CSRNP3: variants seen among roughly 807,000 people sequenced by gnomAD.
CSRNP3 encodes cysteine and serine rich nuclear protein 3, also known as cysteine/serine-rich nuclear protein 3.
A neutral mutation model predicts 48.0 loss-of-function variants in CSRNP3; 12 were observed. The observed-to-expected ratio is 0.25, with a 90% CI of 0.16 to 0.41. The LOEUF (loss-of-function observed/expected upper bound fraction) is 0.41. Ranked by LOEUF, CSRNP3 falls within the 10% of genes least tolerant of loss-of-function variation. The pLI is 1.00. For missense variants in CSRNP3, 580 were observed against 724.4 expected, an observed-to-expected ratio of 0.80 and a Z score of 2.29; for synonymous variants, 263 against 269.7, an observed-to-expected ratio of 0.98 and a Z score of 0.24.
chr2:165,500,618 C>G (rs886785070), intron 2 of CSRNP3, among the ~76,000 whole-genome samples: 1 of 151,716 alleles, frequency 6.6e-6, no homozygotes, highest in Non-Finnish European at 1.5e-5. Flanking sequence ...CCACTACGCC[C>G]GGCTAATTTT....
intron 1 of CSRNP3, among the ~76,000 whole-genome samples, chr2:165,483,492 TCTC>T (rs1410985463): frequency 6.6e-6 from 1 of 152,234 alleles, no homozygotes; most frequent in Non-Finnish European, 1.5e-5. Flanking sequence ...ATGCTAATAA[TCTC>T]CTTATATTCT....
At chr2:165,559,796 C>CTTTTTTTTTTTTTT (rs11313094) in intron 3 of CSRNP3, among the ~76,000 whole-genome samples, 2 of 98,424 alleles carry the variant, frequency 2.0e-5, no homozygotes, top group Admixed American at 1.3e-4. Context: ...TTCTTTCTTT[C>CTTTTTTTTTTTTTT]TTTTTTTTTT....
intron 3 of CSRNP3, among the ~76,000 whole-genome samples, chr2:165,567,179 C>T (rs1240479327): frequency 1.3e-5 from 2 of 151,998 alleles, no homozygotes; most frequent in Non-Finnish European, 2.9e-5. Context: ...TATTTTACTC[C>T]ATGTTTTATT....
At chr2:165,512,960 C>T (rs1022208034) in intron 2 of CSRNP3, among the ~76,000 whole-genome samples, 2 of 152,100 alleles carry the variant, frequency 1.3e-5, no homozygotes, top group Non-Finnish European at 2.9e-5. Flanking sequence ...AAAATATTAG[C>T]CGGGCGTGGT....
At chr2:165,548,097 A>G (rs1685054797) in intron 3 of CSRNP3, among the ~76,000 whole-genome samples, 1 of 152,106 alleles carries the variant, frequency 6.6e-6, no homozygotes, top group African/African-American at 2.4e-5. Flanking sequence ...CCACTGTGAA[A>G]ACTAATTTGT....
chr2:165,645,340 A>T (rs775360955), intron 4 of CSRNP3, among the ~76,000 whole-genome samples: 2 of 151,920 alleles, frequency 1.3e-5, no homozygotes, highest in Non-Finnish European at 2.9e-5. Flanking sequence ...GTCTCAAAAA[A>T]ATAAAAATAA....
At chr2:165,550,693 G>T (rs1685085212) in intron 3 of CSRNP3, among the ~76,000 whole-genome samples, 1 of 152,082 alleles carries the variant, frequency 6.6e-6, no homozygotes, top group South Asian at 2.1e-4. Flanking sequence ...AGCAATGTAG[G>T]TATATTTTCA....
At chr2:165,644,685 G>A (rs1030305062) in intron 4 of CSRNP3, among the ~76,000 whole-genome samples, 35 of 152,158 alleles carry the variant, frequency 2.3e-4, no homozygotes, top group Admixed American at 3.9e-4. Context: ...TAGGGACTCT[G>A]TGGAAGGCTT....
intron 4 of CSRNP3, among the ~76,000 whole-genome samples, chr2:165,608,358 A>G (rs1281181854): frequency 1.3e-5 from 2 of 152,116 alleles, no homozygotes; most frequent in Non-Finnish European, 1.5e-5. Flanking sequence ...ATTTTTAACA[A>G]CTATCTTCAA....
At chr2:165,560,638 T>C (rs1371035013) in intron 3 of CSRNP3, among the ~76,000 whole-genome samples, 3 of 152,204 alleles carry the variant, frequency 2.0e-5, no homozygotes, top group African/African-American at 4.8e-5. Flanking sequence ...AACTGCAGTT[T>C]TGTAGCATTT....
chr2:165,675,214 A>G (rs1391259677), intron 5 of CSRNP3, among the ~76,000 whole-genome samples: 1 of 152,110 alleles, frequency 6.6e-6, no homozygotes, highest in East Asian at 1.9e-4. Context: ...CTGATGTTGC[A>G]AGTATTTTAA....
chr2:165,638,538 A>G (rs1686671480), intron 4 of CSRNP3, among the ~76,000 whole-genome samples: 1 of 152,094 alleles, frequency 6.6e-6, no homozygotes, highest in Admixed American at 6.6e-5. Flanking sequence ...TATTTATTTT[A>G]TATTTTTTAA....
intron 3 of CSRNP3, among the ~76,000 whole-genome samples, chr2:165,562,062 A>G (rs1370000382): frequency 6.6e-6 from 1 of 152,138 alleles, no homozygotes; most frequent in Non-Finnish European, 1.5e-5. Context: ...AGTATTATGT[A>G]TTTGCTGATG....
intron 3 of CSRNP3, among the ~76,000 whole-genome samples, chr2:165,565,253 A>G (rs16850913): frequency 0.22 from 33,266 of 152,050 alleles, 3,785 homozygotes; most frequent in South Asian, 0.28. Flanking sequence ...TTGGCTATTC[A>G]CATAAGAAAG....
intron 4 of CSRNP3, among the ~76,000 whole-genome samples, 187 bp downstream of exon 4, chr2:165,595,400 T>C (rs1242138728): frequency 2.6e-5 from 4 of 152,240 alleles, no homozygotes; most frequent in Non-Finnish European, 5.9e-5. Context: ...GAATACTTTT[T>C]TGCAGTGGAT....
chr2:165,474,666 A>G (rs1007179448), intron 1 of CSRNP3, among the ~76,000 whole-genome samples: 1 of 152,214 alleles, frequency 6.6e-6, no homozygotes, highest in Non-Finnish European at 1.5e-5. Flanking sequence ...GCAAGACACT[A>G]TGTGTTTGTA....
intron 4 of CSRNP3, among the ~76,000 whole-genome samples, chr2:165,631,645 A>G (rs1686538461): frequency 6.6e-6 from 1 of 152,248 alleles, no homozygotes; most frequent in Non-Finnish European, 1.5e-5. Context: ...TAAGTTACAC[A>G]GATCAGTAAG....
intron 1 of CSRNP3, among the ~76,000 whole-genome samples, chr2:165,487,645 A>C (rs1480664841): frequency 7.0e-6 from 1 of 143,856 alleles, no homozygotes; most frequent in Non-Finnish European, 1.5e-5. Context: ...AATATTCAAC[A>C]TTCTTAAAGA....
At chr2:165,579,345 A>G (rs978463384) in intron 3 of CSRNP3, among the ~76,000 whole-genome samples, 1 of 152,202 alleles carries the variant, frequency 6.6e-6, no homozygotes, top group African/African-American at 2.4e-5. Flanking sequence ...AATCATTCCA[A>G]CTAGAAGTAC....
Sources: gnomAD v4.1 joint callset for allele counts (sites outside exome capture counted in the v4.1 genomes callset) on GRCh38, gnomAD v4.1.1 for gene constraint, MANE v1.5 for transcripts, NCBI Gene and HGNC (gene_info 2026-07-23, HGNC 2026-07-21) for gene names.